Variants in NRG1 observed in about 807,000 individuals in gnomAD.
The protein encoded by NRG1 is pro-neuregulin-1, membrane-bound isoform.
Under a neutral mutation model 63.8 loss-of-function variants are expected in NRG1, and 18 were observed. That is an observed-to-expected ratio of 0.28 (90% CI 0.19 to 0.42). NRG1 has a LOEUF of 0.42. Among genes scored for constraint, NRG1 ranks in the 10% least tolerant of loss-of-function variants. The pLI is 1.00. For synonymous variants in NRG1, 302 were observed against 301.3 expected, an observed-to-expected ratio of 1.00 and a Z score of -0.02; for missense variants, 762 against 814.7, an observed-to-expected ratio of 0.94 and a Z score of 0.79.
intron 1 of NRG1, among the ~76,000 whole-genome samples, chr8:32,182,425 T>C (rs185826564): frequency 2.6e-5 from 4 of 152,278 alleles, no homozygotes; most frequent in African/African-American, 9.6e-5. Context: ...TTTTGTATTT[T>C]TAGTAGAGAC....
chr8:32,577,452 C>T (rs1281610583), intron 1 of NRG1, among the ~76,000 whole-genome samples: 1 of 152,214 alleles, frequency 6.6e-6, no homozygotes, highest in East Asian at 1.9e-4. Context: ...TCTGCTGTAA[C>T]TCCATGCTTG....
chr8:32,597,473 G>C (rs1430480001), intron 2 of NRG1, among the ~76,000 whole-genome samples: 1 of 152,014 alleles, frequency 6.6e-6, no homozygotes. Flanking sequence ...TAAAAGAAAG[G>C]GTTGTATCAC....
chr8:31,690,988 G>C (rs1003078089), intron 1 of NRG1, among the ~76,000 whole-genome samples: 3 of 152,140 alleles, frequency 2.0e-5, no homozygotes, highest in Non-Finnish European at 4.4e-5. Flanking sequence ...CTGAGTGAAC[G>C]AAGAGACTGC....
intron 5 of NRG1, among the ~76,000 whole-genome samples, chr8:32,665,281 CTTTTA>C (rs1179737013): frequency 3.3e-5 from 5 of 152,090 alleles, no homozygotes; most frequent in Non-Finnish European, 7.4e-5. Context: ...ATTACAGATT[CTTTTA>C]TATTAGTGCT....
intron 1 of NRG1, among the ~76,000 whole-genome samples, chr8:32,009,783 G>T (rs550126230): frequency 2.6e-4 from 40 of 152,020 alleles, no homozygotes; most frequent in Admixed American, 7.2e-4. Flanking sequence ...GGAGTTTATT[G>T]TTCCTAATGA....
At chr8:32,644,264 A>G (rs780790473) in intron 5 of NRG1, among the ~76,000 whole-genome samples, 2 of 152,166 alleles carry the variant, frequency 1.3e-5, no homozygotes, top group Non-Finnish European at 2.9e-5. Flanking sequence ...TTCTAAGAGG[A>G]CATGGAAATG....
chr8:32,601,362 T>C (rs1844322231), intron 2 of NRG1, among the ~76,000 whole-genome samples: 1 of 152,184 alleles, frequency 6.6e-6, no homozygotes, highest in Admixed American at 6.5e-5. Flanking sequence ...TGCACAGAGA[T>C]ATTCTTGTAG....
At chr8:32,455,965 G>T (rs1821541471) in intron 1 of NRG1, among the ~76,000 whole-genome samples, 1 of 152,106 alleles carries the variant, frequency 6.6e-6, no homozygotes, top group African/African-American at 2.4e-5. Flanking sequence ...TGTATTTTTA[G>T]CAGAGACAGG....
At chr8:31,806,700 ATAAT>A (rs1047995331) in intron 1 of NRG1, among the ~76,000 whole-genome samples, 60 of 152,130 alleles carry the variant, frequency 3.9e-4, no homozygotes, top group Non-Finnish European at 1.3e-4. Flanking sequence ...ATAAAGTGTA[ATAAT>A]TAACCCTTTT....
At chr8:31,802,178 T>C (rs1821854172) in intron 1 of NRG1, among the ~76,000 whole-genome samples, 1 of 152,264 alleles carries the variant, frequency 6.6e-6, no homozygotes, top group South Asian at 2.1e-4. Context: ...TAGTCGTCTA[T>C]TACCCAGTGT....
chr8:32,741,920 C>A, intron 6 of NRG1, 88 bp from the exon 7 acceptor site: 1 of 910,508 alleles, frequency 1.1e-6, no homozygotes, highest in Non-Finnish European at 1.8e-6. Flanking sequence ...TTTTAGGAAT[C>A]TCCATATTCC....
chr8:32,136,532 G>A (rs963459766), intron 1 of NRG1: 20 of 152,212 alleles, frequency 1.3e-4, no homozygotes, highest in African/African-American at 4.6e-4. Flanking sequence ...TGGTCTACTT[G>A]AGCTCTGTTG....
intron 1 of NRG1, among the ~76,000 whole-genome samples, chr8:32,262,024 A>G (rs752532022): frequency 1.3e-5 from 2 of 152,148 alleles, no homozygotes; most frequent in African/African-American, 2.4e-5. Context: ...TAAAGACTCA[A>G]GAAACTTACA....
At chr8:31,956,804 C>T (rs1804515078) in intron 1 of NRG1, among the ~76,000 whole-genome samples, 1 of 152,134 alleles carries the variant, frequency 6.6e-6, no homozygotes, top group African/African-American at 2.4e-5. Context: ...TGGTTGTGTG[C>T]CATCTGGCTC....
Position 31,891,278 on chromosome 8 carries a change from T to C in NRG1, c.37+251847T>C, listed in dbSNP as rs117678686. Among the ~76,000 whole-genome samples the C allele has an allele frequency of 3.9e-3, 595 of 152,064 alleles. 1 individual carries two copies. Among genetic ancestry groups the C allele is most frequent in the Middle Eastern group, 0.024 (7 of 294 alleles). ...TGATCTAGGACTAGTAACTCAAAAG[T>C]CAACAGTAAAAAATTTTAGTAACAA... On this transcript the variant is annotated intron_variant, in intron 1 of 10. Transcript: ENST00000519301.
intron 1 of NRG1, among the ~76,000 whole-genome samples, chr8:31,855,960 T>C (rs1021180380): frequency 6.6e-6 from 1 of 151,798 alleles, no homozygotes; most frequent in Non-Finnish European, 1.5e-5. Context: ...TTCTGGCTTG[T>C]AGAGTTTCTG....
At chr8:31,962,868 G>A (rs923013529) in intron 1 of NRG1, among the ~76,000 whole-genome samples, 3 of 152,000 alleles carry the variant, frequency 2.0e-5, no homozygotes, top group African/African-American at 7.3e-5. Flanking sequence ...GACATACTAG[G>A]GCTAGCGTAC....
intron 7 of NRG1, among the ~76,000 whole-genome samples, chr8:32,753,728 A>G (rs766521810): frequency 6.6e-5 from 10 of 152,202 alleles, no homozygotes; most frequent in Non-Finnish European, 1.2e-4. Flanking sequence ...TTTTACTGTT[A>G]AATCACAGAG....
At position 32,388,751 on chromosome 8, in the gene NRG1, C is replaced by T. The variant is rs185920410; in HGVS notation, c.38-207077C>T. 1.9e-4 allele frequency among the ~76,000 whole-genome samples: 29 copies of T among 152,086 alleles called. No individual in the cohort carries two copies. In the East Asian group the frequency reaches 4.6e-3, roughly 24 times the overall value. ...ACCAATTCTATTTTCAGCTTTCTGC[C>T]TTTTCTCATAATGACCTGTAGGTGA... On this transcript the variant is annotated intron_variant, in intron 1 of 10. Coordinates refer to the NRG1 transcript ENST00000519301.
Sources: allele counts gnomAD v4.1 joint callset (sites outside exome capture counted in the v4.1 genomes callset), GRCh38; gene constraint gnomAD v4.1.1; transcripts MANE v1.5; gene names NCBI Gene and HGNC (gene_info 2026-07-23, HGNC 2026-07-21).